The following ZNF284 variants were observed in gnomAD, a reference collection of about 807,000 sequenced individuals.
ZNF284 encodes zinc finger protein 284.
In ZNF284, 12 loss-of-function variants were observed where a neutral mutation model predicts 12.9. The ratio of observed to expected loss-of-function variants is 0.93; its 90% confidence interval spans 0.60 to 1.51. The LOEUF (loss-of-function observed/expected upper bound fraction) is 1.51. ZNF284 is among the 40% of genes most tolerant of loss of function. ZNF284 has a pLI of 0.00. For missense variants in ZNF284, 667 were observed against 707.3 expected (o/e 0.94, Z 0.65); for synonymous variants, 225 against 236.5 (o/e 0.95, Z 0.45).
intron 3 of ZNF284, among the ~76,000 whole-genome samples, chr19:44,081,715 AAAAAACAAAAAC>A (rs549068237): frequency 5.9e-5 from 9 of 152,112 alleles, no homozygotes; most frequent in South Asian, 2.1e-4. Flanking sequence ...CCGTCTCAAA[AAAAAACAAAAAC>A]AAAAACAAAA....
intron 4 of ZNF284, 26 bp from the exon 5 acceptor site, chr19:44,085,688 C>T: frequency 6.4e-7 from 1 of 1,565,532 alleles, no homozygotes. Flanking sequence ...CACTTACCCA[C>T]ATCTCTTAAT....
intron 4 of ZNF284, among the ~76,000 whole-genome samples, chr19:44,083,569 T>C (rs1413531141): frequency 6.7e-6 from 1 of 149,768 alleles, no homozygotes; most frequent in Non-Finnish European, 1.5e-5. Context: ...TATATTTCTA[T>C]TTAGCTGTCA....
rs759158548 is a variant in ZNF284, at chr19:44,086,250, C to A, written c.772C>A (p.Pro258Thr). 7.4e-6 allele frequency: 12 copies of A among 1,614,166 alleles called. No homozygotes were observed. The highest frequency in any genetic ancestry group is 7.6e-6 in the Non-Finnish European group (9 of 1,180,018). Residue 258 changes from proline to threonine, a missense_variant, in exon 5 of 5, where the codon CCT (proline) becomes ACT (threonine). Coordinates refer to ENST00000421176, the MANE Select transcript of ZNF284 (RefSeq NM_001037813.4). The part of the protein sequence containing the change: ...VHCKLHTGEK[P>T]HICEECGKAF... ...TTGCAAATTACACACAGGAGAAAAA[C>A]CTCATATTTGTGAGGAATGTGGGAA... is the stretch of plus-strand genomic sequence containing the variant.
intron 3 of ZNF284, 59 bp downstream of exon 3, chr19:44,081,200 A>C: frequency 6.4e-7 from 1 of 1,552,422 alleles, no homozygotes; most frequent in Non-Finnish European, 8.7e-7. Context: ...TTTGTATCCT[A>C]GGGTGTTTGT....
intron 3 of ZNF284, 29 bp from the exon 4 acceptor site, chr19:44,081,984 T>C: frequency 1.3e-6 from 2 of 1,578,238 alleles, no homozygotes; most frequent in Non-Finnish European, 1.7e-6. Flanking sequence ...TAAGATGTAT[T>C]GGGATTAAGC....
intron 1 of ZNF284, 144 bp from the exon 2 acceptor site, chr19:44,076,178 G>A: frequency 2.0e-6 from 1 of 489,120 alleles, no homozygotes; most frequent in Admixed American, 3.4e-5. Flanking sequence ...CATTTTGGTT[G>A]TGTGCAATTT....
intron 1 of ZNF284, among the ~76,000 whole-genome samples, chr19:44,073,859 G>A (rs1252328440): frequency 1.3e-5 from 2 of 151,268 alleles, no homozygotes; most frequent in Non-Finnish European, 2.9e-5. Context: ...ATTTCTTTTT[G>A]GTCTTTCTTT....
At position 44,083,474 on chromosome 19, in the gene ZNF284, T is replaced by TATATAGAG. The variant is rs746837013; in HGVS notation, c.235+1370_235+1371insTATAGAGA. Among the ~76,000 whole-genome samples the TATATAGAG allele has an allele frequency of 1.8e-3, 117 of 64,894 alleles. 3 individuals carry two copies. The highest frequency in any genetic ancestry group is 4.5e-3 in the African/African-American group (90 of 20,176). 42.6% of individuals were successfully genotyped at this position (64,894 alleles called of 152,430 possible). ...AAATATATATATATATATATATATATAGAGAGAGAGAGAGAGAGAGAGAGA... is the reference window on the plus strand; with the variant it reads ...AAATATATATATATATATATATATATATATAGAGAGAGAGAGAGAGAGAGAGAGAGAGA... On this transcript the variant is annotated intron_variant, in intron 4 of 4. Coordinates refer to ENST00000421176, the MANE Select transcript of ZNF284 (RefSeq NM_001037813.4).
intron 2 of ZNF284, among the ~76,000 whole-genome samples, chr19:44,078,092 T>C (rs753902669): frequency 1.4e-4 from 22 of 152,070 alleles, no homozygotes; most frequent in Non-Finnish European, 2.6e-4. Context: ...AAAAAAGACA[T>C]AATCCAAAAT....
chr19:44,072,688 G>A (rs1966964163), intron 1 of ZNF284, among the ~76,000 whole-genome samples: 1 of 152,198 alleles, frequency 6.6e-6, no homozygotes, highest in South Asian at 2.1e-4. Flanking sequence ...TCAGGTCCCC[G>A]GGTGGGGTCA....
intron 4 of ZNF284, among the ~76,000 whole-genome samples, chr19:44,083,765 AC>A (rs1310035777): frequency 1.3e-5 from 2 of 151,952 alleles, no homozygotes; most frequent in Non-Finnish European, 2.9e-5. Context: ...TGGCAGGATA[AC>A]CCTCAGGTTT....
At chr19:44,084,610 G>A (rs1360259734) in intron 4 of ZNF284, among the ~76,000 whole-genome samples, 1 of 152,156 alleles carries the variant, frequency 6.6e-6, no homozygotes, top group African/African-American at 2.4e-5. Context: ...GTACTGTACT[G>A]GGGGCAGCCT....
intron 4 of ZNF284, among the ~76,000 whole-genome samples, chr19:44,083,399 A>G (rs936226754): frequency 1.4e-5 from 2 of 147,938 alleles, no homozygotes; most frequent in Non-Finnish European, 3.0e-5. Flanking sequence ...GTGCCACTAC[A>G]CTCTAGCCTG....
Position 44,082,098 on chromosome 19 carries a change from G to C in ZNF284, c.228G>C (p.Gly76=), listed in dbSNP as rs538798803. 3.7e-6 allele frequency: 6 copies of C among 1,612,858 alleles called. No individual in the cohort carries two copies. The highest frequency in any genetic ancestry group is 5.1e-6 in the Non-Finnish European group (6 of 1,179,334). Residue 76 remains glycine, a synonymous_variant, in exon 4 of 5, where the codon GGG becomes GGC. Transcript: ENST00000421176. ...WIMETATQRE[G]NSGGKIQTEL... ...TGGAGACAGCAACCCAAAGAGAAGG[G>C]AATTCAGGTAAGAACCAAGCAACGA...
In ZNF284 at chr19:44,086,660, T is replaced by G. The variant is rs766838249; in HGVS notation, c.1182T>G (p.Asn394Lys). The G allele has an allele frequency of 6.2e-7, 1 of 1,613,898 alleles. No homozygotes were observed. ...TTTCAAGACATCAGCGGGTCCACAA[T>G]GGAGAAACAACATTCAAGTGCGACG... is the stretch of plus-strand genomic sequence containing the variant. ...SCLSRHQRVHNGETTFKCDGC... is the reference protein window; with the variant it reads ...SCLSRHQRVHKGETTFKCDGC... The change falls in exon 5 of 5, where the codon AAT becomes AAG. Residue 394 changes from asparagine (N) to lysine (K), a missense_variant. Asn to Lys is a moderately conservative substitution (Grantham distance 94). Transcript: ENST00000421176.
chr19:44,076,440 T>C (rs376695169), intron 2 of ZNF284, 36 bp downstream of exon 2: 5 of 1,596,688 alleles, frequency 3.1e-6, no homozygotes, highest in Non-Finnish European at 4.3e-6. Context: ...GTTCAGATTC[T>C]GTTTTGCTAC....
chr19:44,082,174 A>G (rs2147502828), intron 4 of ZNF284, 69 bp downstream of exon 4: 1 of 1,293,932 alleles, frequency 7.7e-7, no homozygotes, highest in Non-Finnish European at 1.1e-6. Flanking sequence ...TCCATTGCCC[A>G]ACTCCATTGC....
intron 4 of ZNF284, among the ~76,000 whole-genome samples, chr19:44,082,792 T>G (rs1599879934): frequency 6.6e-6 from 1 of 152,186 alleles, no homozygotes; most frequent in Non-Finnish European, 1.5e-5. Flanking sequence ...CCACCCTTCT[T>G]AAGCCTCTGT....
intron 2 of ZNF284, among the ~76,000 whole-genome samples, chr19:44,079,492 G>C (rs552782206): frequency 8.5e-5 from 13 of 152,136 alleles, no homozygotes; most frequent in African/African-American, 3.1e-4. Flanking sequence ...GGCGGATCAC[G>C]AGGTGAGGAG....
Sources: gnomAD v4.1 joint callset for allele counts (sites outside exome capture counted in the v4.1 genomes callset) on GRCh38, gnomAD v4.1.1 for gene constraint, MANE v1.5 for transcripts, NCBI Gene and HGNC (gene_info 2026-07-23, HGNC 2026-07-21) for gene names.